The following ROBO2 variants were observed in gnomAD, a reference collection of about 807,000 sequenced individuals.
The protein encoded by ROBO2 is roundabout homolog 2.
Under a neutral mutation model 160.8 loss-of-function variants are expected in ROBO2, and 53 were observed. That is an observed-to-expected ratio of 0.33 (90% CI 0.26 to 0.41). The LOEUF (loss-of-function observed/expected upper bound fraction) is 0.41, where lower values mean the gene tolerates loss of function less well. ROBO2 is among the 10% of genes least tolerant of loss of function. The pLI, the probability that ROBO2 is intolerant of heterozygous loss-of-function variation, is 1.00. For missense variants in ROBO2, 1,577 were observed against 1,722.4 expected, an observed-to-expected ratio of 0.92 and a Z score of 1.49; for synonymous variants, 664 against 611.7, an observed-to-expected ratio of 1.09 and a Z score of -1.26.
intron 2 of ROBO2, among the ~76,000 whole-genome samples, chr3:76,152,724 T>G (rs1577071995): frequency 6.6e-6 from 1 of 152,130 alleles, no homozygotes; most frequent in Non-Finnish European, 1.5e-5. Flanking sequence ...TCTTTGAAAT[T>G]ATAAATACCT....
intron 2 of ROBO2, chr3:76,434,392 A>G: frequency 1.9e-6 from 3 of 1,556,578 alleles, no homozygotes; most frequent in South Asian, 2.2e-5. Flanking sequence ...ATCACCTGTC[A>G]GCTGTCAACG....
At chr3:77,060,048 A>G (rs925474565) in intron 1 of ROBO2, among the ~76,000 whole-genome samples, 5 of 152,350 alleles carry the variant, frequency 3.3e-5, no homozygotes, top group African/African-American at 1.2e-4. Context: ...TGGAAATAAA[A>G]GAAAAATAAA....
At chr3:76,136,971 G>C (rs1173317557) in intron 2 of ROBO2, among the ~76,000 whole-genome samples, 1 of 152,016 alleles carries the variant, frequency 6.6e-6, no homozygotes, top group Non-Finnish European at 1.5e-5. Context: ...TCATAGGAAA[G>C]AGGTGGAGTA....
chr3:76,533,971 T>C (rs1036800466), intron 2 of ROBO2, among the ~76,000 whole-genome samples: 1 of 152,174 alleles, frequency 6.6e-6, no homozygotes, highest in Non-Finnish European at 1.5e-5. Context: ...TCTTGGCTCC[T>C]GCAGGCCATC....
chr3:76,447,939 GT>G (rs1250370039), intron 2 of ROBO2, among the ~76,000 whole-genome samples: 8 of 150,934 alleles, frequency 5.3e-5, no homozygotes, highest in Non-Finnish European at 1.0e-4. Context: ...TATACCTAAT[GT>G]TAAATGACGA....
intron 2 of ROBO2, among the ~76,000 whole-genome samples, chr3:77,285,962 G>T (rs541066068): frequency 6.6e-6 from 1 of 151,928 alleles, no homozygotes; most frequent in Non-Finnish European, 1.5e-5. Flanking sequence ...AAGTATAAAA[G>T]CTATGAAGAG....
intron 2 of ROBO2, among the ~76,000 whole-genome samples, chr3:77,156,953 G>A (rs972781868): frequency 2.0e-5 from 3 of 151,776 alleles, no homozygotes; most frequent in South Asian, 2.1e-4. Flanking sequence ...AATATCACTC[G>A]GGAACTTGGT....
intron 2 of ROBO2, among the ~76,000 whole-genome samples, chr3:76,928,546 T>C (rs1051292366): frequency 1.3e-5 from 2 of 151,944 alleles, no homozygotes; most frequent in African/African-American, 4.8e-5. Context: ...TTAGATGTTC[T>C]CATTCAAGAT....
rs370885944 is a variant in ROBO2 at position 76,350,263 on chromosome 3, A to C, written c.109+412661A>C. Among the ~76,000 whole-genome samples, 16 of 152,044 alleles carry C rather than the reference A, an allele frequency of 1.1e-4. No homozygotes were observed. In the East Asian group the frequency reaches 2.9e-3, roughly 28 times the overall value. On this transcript the variant is annotated intron_variant, in intron 2 of 26. Transcript: ENST00000487694. ...CAGTACACTTATGCAATAGGAGATA[A>C]TTGCTTTGCTTTGTGTCATAAACAT...
At chr3:75,993,480 A>G (rs570180346) in intron 2 of ROBO2, among the ~76,000 whole-genome samples, 1 of 152,300 alleles carries the variant, frequency 6.6e-6, no homozygotes, top group East Asian at 1.9e-4. Flanking sequence ...CTGTAAGTCC[A>G]TTAAACCTCT....
At chr3:76,131,368 A>G (rs2071214140) in intron 2 of ROBO2, among the ~76,000 whole-genome samples, 1 of 152,138 alleles carries the variant, frequency 6.6e-6, no homozygotes, top group Non-Finnish European at 1.5e-5. Flanking sequence ...TCCTTTAGAA[A>G]CTTAACGGAT....
chr3:76,526,245 T>TA (rs1560094070), intron 2 of ROBO2, among the ~76,000 whole-genome samples: 3 of 152,000 alleles, frequency 2.0e-5, no homozygotes. Flanking sequence ...TCATAAGACT[T>TA]ACAGTTCTCA....
At chr3:76,163,656 T>C (rs28754387) in intron 2 of ROBO2, among the ~76,000 whole-genome samples, 7,003 of 152,052 alleles carry the variant, frequency 0.046, 373 homozygotes, top group East Asian at 0.22. Context: ...CAAGAAATTA[T>C]TGTTTTTTTC....
chr3:75,940,299 A>G (rs77242184), intron 2 of ROBO2, among the ~76,000 whole-genome samples: 1 of 152,186 alleles, frequency 6.6e-6, no homozygotes, highest in Non-Finnish European at 1.5e-5. Flanking sequence ...AAAAAATGAT[A>G]TAAGAAATGC....
intron 2 of ROBO2, among the ~76,000 whole-genome samples, chr3:75,963,285 T>G (rs184713995): frequency 6.8e-4 from 104 of 151,864 alleles, no homozygotes; most frequent in African/African-American, 2.4e-3. Context: ...TCTCCTGGGC[T>G]CAAGCAGTCC....
At chr3:76,180,437 C>G (rs1575771408) in intron 2 of ROBO2, among the ~76,000 whole-genome samples, 2 of 152,130 alleles carry the variant, frequency 1.3e-5, no homozygotes, top group East Asian at 3.9e-4. Flanking sequence ...GAATTCTTCA[C>G]TCACCCCAAA....
chr3:76,610,115 G>A (rs754881777), intron 2 of ROBO2, among the ~76,000 whole-genome samples: 72 of 152,154 alleles, frequency 4.7e-4, no homozygotes, highest in Non-Finnish European at 3.7e-4. Flanking sequence ...AATAGCATTT[G>A]GTTGAGGATT....
At chr3:76,612,661 A>T (rs552894043) in intron 2 of ROBO2, among the ~76,000 whole-genome samples, 12 of 152,302 alleles carry the variant, frequency 7.9e-5, no homozygotes, top group African/African-American at 2.9e-4. Flanking sequence ...ATGTATACCT[A>T]TGTAAGAAAC....
chr3:76,298,280 AG>A (rs1466447040), intron 2 of ROBO2, among the ~76,000 whole-genome samples: 1 of 152,134 alleles, frequency 6.6e-6, no homozygotes, highest in Non-Finnish European at 1.5e-5. Context: ...GAAAGAGGAA[AG>A]GAAAATGGAG....
Sources: gnomAD v4.1 joint callset for allele counts (sites outside exome capture counted in the v4.1 genomes callset) on GRCh38, gnomAD v4.1.1 for gene constraint, MANE v1.5 for transcripts, NCBI Gene and HGNC (gene_info 2026-07-23, HGNC 2026-07-21) for gene names.